NFATC3: variants seen among roughly 807,000 people sequenced by gnomAD.
NFATC3 encodes nuclear factor of activated T cells 3, also known as nuclear factor of activated T-cells, cytoplasmic 3.
Under a neutral mutation model 98.6 loss-of-function variants are expected in NFATC3, and 46 were observed. That is an observed-to-expected ratio of 0.47 (90% CI 0.37 to 0.60). NFATC3 has a LOEUF of 0.60. NFATC3 is among the 20% of genes least tolerant of loss of function. The pLI, the probability that NFATC3 is intolerant of heterozygous loss-of-function variation, is 0.00. For missense variants in NFATC3, 1,256 were observed against 1,295.5 expected, an observed-to-expected ratio of 0.97 and a Z score of 0.47; for synonymous variants, 512 against 472.2, an observed-to-expected ratio of 1.08 and a Z score of -1.09.
chr16:68,128,088 C>T (rs1449399291), intron 3 of NFATC3, among the ~76,000 whole-genome samples: 3 of 151,942 alleles, frequency 2.0e-5, no homozygotes, highest in Admixed American at 6.6e-5. Context: ...CCTTTATATA[C>T]TAAAATATAG....
chr16:68,143,652 C>T (rs1381948704), intron 3 of NFATC3, among the ~76,000 whole-genome samples: 5 of 152,070 alleles, frequency 3.3e-5, no homozygotes, highest in Admixed American at 2.6e-4. Flanking sequence ...AGTTAAAGGC[C>T]AACCTGGCCA....
At chr16:68,146,454 G>C (rs549518443) in intron 3 of NFATC3, among the ~76,000 whole-genome samples, 2 of 151,948 alleles carry the variant, frequency 1.3e-5, no homozygotes, top group Non-Finnish European at 2.9e-5. Flanking sequence ...ATATTATACA[G>C]TGGTAAGTTT....
chr16:68,161,882 C>T (rs1402106917), intron 4 of NFATC3, among the ~76,000 whole-genome samples: 4 of 152,010 alleles, frequency 2.6e-5, no homozygotes, highest in Admixed American at 1.3e-4. Flanking sequence ...GGCTCATATC[C>T]CAAATAATAT....
chr16:68,141,402 T>C (rs1174269579), intron 3 of NFATC3, among the ~76,000 whole-genome samples: 1 of 152,214 alleles, frequency 6.6e-6, no homozygotes, highest in Non-Finnish European at 1.5e-5. Context: ...CATAATTGTT[T>C]TAATTTATAA....
chr16:68,175,940 G>A (rs1598508941), intron 6 of NFATC3, among the ~76,000 whole-genome samples: 1 of 151,896 alleles, frequency 6.6e-6, no homozygotes, highest in East Asian at 1.9e-4. Context: ...AAAGCCCCTG[G>A]GTCCCCCTTC....
chr16:68,195,504 T>C (rs539176595), intron 9 of NFATC3, among the ~76,000 whole-genome samples: 1 of 151,544 alleles, frequency 6.6e-6, no homozygotes, highest in East Asian at 2.0e-4. Context: ...ACCCTGTCTC[T>C]AAAATTGAAA....
chr16:68,118,645 C>G (rs1468912665), intron 1 of NFATC3, among the ~76,000 whole-genome samples: 1 of 152,106 alleles, frequency 6.6e-6, no homozygotes. Flanking sequence ...GGTCTTATGG[C>G]TTTAAATTTC....
chr16:68,139,702 CT>C (rs2037642238), intron 3 of NFATC3, among the ~76,000 whole-genome samples: 1 of 152,162 alleles, frequency 6.6e-6, no homozygotes, highest in African/African-American at 2.4e-5. Flanking sequence ...TTTTTCTTTT[CT>C]TCAAAATAAG....
At chr16:68,177,456 C>T (rs1412701011) in intron 6 of NFATC3, among the ~76,000 whole-genome samples, 1 of 152,132 alleles carries the variant, frequency 6.6e-6, no homozygotes, top group Non-Finnish European at 1.5e-5. Context: ...AGTTATATCC[C>T]CCCACTCTTT....
chr16:68,183,168 G>A, intron 7 of NFATC3, 72 bp from the exon 8 acceptor site: 1 of 1,480,826 alleles, frequency 6.8e-7, no homozygotes, highest in Middle Eastern at 1.8e-4. Context: ...AGACTCATGA[G>A]TTGTGATGTG....
intron 9 of NFATC3, among the ~76,000 whole-genome samples, chr16:68,214,775 A>G (rs966779987): frequency 1.1e-4 from 17 of 152,238 alleles, no homozygotes; most frequent in Admixed American, 1.0e-3. Context: ...AAGCCTACTC[A>G]TTCCTGGTCA....
chr16:68,167,253 C>G (rs999220254), intron 5 of NFATC3, among the ~76,000 whole-genome samples: 2 of 152,118 alleles, frequency 1.3e-5, no homozygotes, highest in African/African-American at 4.8e-5. Context: ...TACAGACAAC[C>G]TCTCTTGACC....
intron 9 of NFATC3, among the ~76,000 whole-genome samples, chr16:68,201,754 C>T (rs1214252855): frequency 1.3e-5 from 2 of 149,756 alleles, no homozygotes; most frequent in Admixed American, 1.3e-4. Context: ...AGTTCGAGTC[C>T]AGCCTGGCCA....
At chr16:68,206,732 C>A (rs1450218512) in intron 9 of NFATC3, among the ~76,000 whole-genome samples, 2 of 152,120 alleles carry the variant, frequency 1.3e-5, no homozygotes, top group Non-Finnish European at 2.9e-5. Context: ...TCTCTAATCC[C>A]AGCACATTGG....
intron 3 of NFATC3, among the ~76,000 whole-genome samples, chr16:68,143,843 C>A (rs772515968): frequency 6.6e-6 from 1 of 152,054 alleles, no homozygotes; most frequent in African/African-American, 2.4e-5. Context: ...CAGAGCGAGA[C>A]TCCATCTCAA....
intron 9 of NFATC3, among the ~76,000 whole-genome samples, chr16:68,193,458 A>C (rs2040530448): frequency 1.3e-5 from 2 of 152,102 alleles, no homozygotes; most frequent in South Asian, 4.1e-4. Flanking sequence ...TGAGACTAGG[A>C]GTTTGAGACC....
At chr16:68,140,949 A>C (rs1246930459) in intron 3 of NFATC3, among the ~76,000 whole-genome samples, 1 of 151,990 alleles carries the variant, frequency 6.6e-6, no homozygotes, top group Non-Finnish European at 1.5e-5. Flanking sequence ...ACCCCCTCCT[A>C]TCCTACCCTC....
intron 1 of NFATC3, among the ~76,000 whole-genome samples, chr16:68,090,907 C>T (rs2151440089): frequency 6.6e-6 from 1 of 152,268 alleles, no homozygotes; most frequent in Non-Finnish European, 1.5e-5. Flanking sequence ...AATATTTTAA[C>T]ATTTCATTTG....
rs775146342 is a variant in NFATC3, at chr16:68,227,463, TG to T, written c.*993del. ...CTAACTCTAGCTAGAGGCCAGGCTG[TG>T]TGCAGAGCTAAAGCACAAATGAGCA... On this transcript the variant is annotated 3_prime_UTR_variant, in exon 10 of 10. Transcript: ENST00000346183. The T allele has an allele frequency of 5.3e-5, 8 of 152,222 alleles. No homozygotes were observed. Among genetic ancestry groups the T allele is most frequent in the Non-Finnish European group, 1.0e-4 (7 of 68,046 alleles). 9.4% of individuals were successfully genotyped at this position (152,222 alleles called of 1,614,324 possible).
Sources: allele counts gnomAD v4.1 joint callset (sites outside exome capture counted in the v4.1 genomes callset), GRCh38; gene constraint gnomAD v4.1.1; transcripts MANE v1.5; gene names NCBI Gene and HGNC (gene_info 2026-07-23, HGNC 2026-07-21).